PPARG: variants seen among roughly 807,000 people sequenced by gnomAD.
PPARG encodes the protein peroxisome proliferator activated receptor gamma.
A neutral mutation model predicts 39.2 loss-of-function variants in PPARG; 17 were observed. That is an observed-to-expected ratio of 0.43 (90% CI 0.30 to 0.65). PPARG has a LOEUF of 0.65. Among genes scored for constraint, PPARG ranks in the 30% least tolerant of loss-of-function variants. The pLI, the probability that PPARG is intolerant of heterozygous loss-of-function variation, is 0.13. For missense variants in PPARG, 406 were observed against 585.9 expected, an observed-to-expected ratio of 0.69 and a Z score of 3.17; for synonymous variants, 223 against 215.7, an observed-to-expected ratio of 1.03 and a Z score of -0.30.
At chr3:12,371,465 C>G (rs1183638177) in intron 2 of PPARG, among the ~76,000 whole-genome samples, 1 of 152,186 alleles carries the variant, frequency 6.6e-6, no homozygotes, top group Non-Finnish European at 1.5e-5. Flanking sequence ...GAGTTCATGA[C>G]TTTTGTTAGA....
chr3:12,294,118 AGG>A (rs1344081506), intron 1 of PPARG, among the ~76,000 whole-genome samples: 1 of 152,190 alleles, frequency 6.6e-6, no homozygotes, highest in Non-Finnish European at 1.5e-5. Flanking sequence ...AGTTTGAAAG[AGG>A]GGGTTAGGAG....
chr3:12,392,836 G>A, intron 5 of PPARG, 84 bp downstream of exon 5: 1 of 1,535,856 alleles, frequency 6.5e-7, no homozygotes, highest in Non-Finnish European at 9.0e-7. Flanking sequence ...TGCCAAAAAT[G>A]TGTACAGTTT....
intron 1 of PPARG, among the ~76,000 whole-genome samples, chr3:12,311,630 C>A (rs905151152): frequency 6.6e-6 from 1 of 150,988 alleles, no homozygotes; most frequent in Non-Finnish European, 1.5e-5. Flanking sequence ...TGTAGAATGT[C>A]GGGTCTCGAT....
intron 1 of PPARG, among the ~76,000 whole-genome samples, chr3:12,304,001 A>T (rs946612714): frequency 6.6e-6 from 1 of 152,250 alleles, no homozygotes; most frequent in African/African-American, 2.4e-5. Flanking sequence ...TGTAGATTCA[A>T]TTTTGAACTT....
chr3:12,313,260 G>C (rs1269818655), intron 2 of PPARG, among the ~76,000 whole-genome samples: 20 of 152,094 alleles, frequency 1.3e-4, no homozygotes, highest in Admixed American at 1.3e-3. Context: ...TTAATATAGA[G>C]ATGTGTATAT....
At chr3:12,299,903 T>G (rs1291793049) in intron 1 of PPARG, among the ~76,000 whole-genome samples, 3 of 152,188 alleles carry the variant, frequency 2.0e-5, no homozygotes. Context: ...GATCCTATTT[T>G]AAACGACCAA....
At chr3:12,426,333 T>G (rs1236978544) in intron 7 of PPARG, among the ~76,000 whole-genome samples, 1 of 152,210 alleles carries the variant, frequency 6.6e-6, no homozygotes, top group Non-Finnish European at 1.5e-5. Context: ...CAGATGATCT[T>G]TATCTGTTTG....
chr3:12,325,645 C>T (rs953114216), intron 2 of PPARG, among the ~76,000 whole-genome samples: 1 of 151,392 alleles, frequency 6.6e-6, no homozygotes, highest in African/African-American at 2.4e-5. Flanking sequence ...TAGAACTCTT[C>T]CCAGTCTTTT....
intron 1 of PPARG, among the ~76,000 whole-genome samples, chr3:12,301,232 C>A (rs952868008): frequency 6.6e-6 from 1 of 152,206 alleles, no homozygotes; most frequent in Admixed American, 6.5e-5. Flanking sequence ...CATTGTTTTG[C>A]ATTCTTGTTT....
chr3:12,324,085 C>A (rs767524031), intron 2 of PPARG, among the ~76,000 whole-genome samples: 4 of 152,056 alleles, frequency 2.6e-5, no homozygotes, highest in Non-Finnish European at 4.4e-5. Flanking sequence ...TCAAGAGCAG[C>A]CTGGCCAACA....
At chr3:12,373,012 A>T (rs1043316061) in intron 2 of PPARG, among the ~76,000 whole-genome samples, 2 of 152,186 alleles carry the variant, frequency 1.3e-5, no homozygotes, top group African/African-American at 4.8e-5. Flanking sequence ...GAGTTAAGAC[A>T]TGTTCTTGTT....
rs2046653189 is a variant in PPARG, at chr3:12,291,726, T to G, written c.-83+2592T>G. Among the ~76,000 whole-genome samples, 3 of 152,336 alleles carry G rather than the reference T, an allele frequency of 2.0e-5. No individual in the cohort carries two copies. In the East Asian group the frequency reaches 5.8e-4, roughly 29 times the overall value. ...ATTTTGTAAAAACAGATTTACATATTTTTAAAATTTCTCTTCAACAATAAG... is the reference window on the plus strand; with the variant it reads ...ATTTTGTAAAAACAGATTTACATATGTTTAAAATTTCTCTTCAACAATAAG... On this transcript the variant is annotated intron_variant, in intron 1 of 7. Transcript: ENST00000651735.
chr3:12,305,531 GCA>G (rs1239304440), intron 1 of PPARG, among the ~76,000 whole-genome samples: 1 of 152,096 alleles, frequency 6.6e-6, no homozygotes, highest in African/African-American at 2.4e-5. Context: ...TTTTCCAAAT[GCA>G]GATATAGCAG....
intron 6 of PPARG, among the ~76,000 whole-genome samples, chr3:12,413,435 C>T (rs1188375815): frequency 6.6e-6 from 1 of 152,180 alleles, no homozygotes; most frequent in Non-Finnish European, 1.5e-5. Context: ...AAAAATAAAA[C>T]AACTGGTGTT....
chr3:12,300,732 G>A (rs1315976351), intron 1 of PPARG, among the ~76,000 whole-genome samples: 1 of 152,036 alleles, frequency 6.6e-6, no homozygotes, highest in African/African-American at 2.4e-5. Context: ...ACACATATTT[G>A]CTGATTATTT....
At chr3:12,393,518 A>C (rs1275232464) in intron 5 of PPARG, among the ~76,000 whole-genome samples, 9 of 152,058 alleles carry the variant, frequency 5.9e-5, no homozygotes. Context: ...CTTGGTCACT[A>C]TTTGGTTCTG....
chr3:12,416,361 G>C (rs1163002943), intron 6 of PPARG, among the ~76,000 whole-genome samples: 1 of 152,162 alleles, frequency 6.6e-6, no homozygotes, highest in Admixed American at 6.5e-5. Flanking sequence ...TCTGGGCGCA[G>C]AGTGAGACTC....
Position 12,416,916 on chromosome 3 carries a change from T to C in PPARG, c.942T>C (p.Thr314=). Residue 314 remains threonine, a synonymous_variant, in exon 7 of 8, where the codon ACT becomes ACC. Transcript: ENST00000651735. ...FVNLDLNDQV[T]LLKYGVHEII... is the part of the protein sequence containing the mutation. ...ATCTTGACTTGAACGACCAAGTAAC[T>C]CTCCTCAAATATGGAGTCCACGAGA... is the stretch of plus-strand genomic sequence containing the variant. 1 of 1,613,950 alleles carries C rather than the reference T, an allele frequency of 6.2e-7. No homozygotes were observed. Among genetic ancestry groups the C allele is most frequent in the Non-Finnish European group, 8.5e-7 (1 of 1,179,980 alleles).
chr3:12,362,652 C>T (rs1314415634), intron 2 of PPARG, among the ~76,000 whole-genome samples: 1 of 151,798 alleles, frequency 6.6e-6, no homozygotes, highest in Non-Finnish European at 1.5e-5. Flanking sequence ...TCCAATTATT[C>T]TTTGTCTTTT....
Sources: gnomAD v4.1 joint callset for allele counts (sites outside exome capture counted in the v4.1 genomes callset) on GRCh38, gnomAD v4.1.1 for gene constraint, MANE v1.5 for transcripts, NCBI Gene and HGNC (gene_info 2026-07-23, HGNC 2026-07-21) for gene names.